The following COL11A1 variants were observed in gnomAD, a reference collection of about 807,000 sequenced individuals.
COL11A1 encodes collagen type XI alpha 1 chain.
In COL11A1, 74 loss-of-function variants were observed where a neutral mutation model predicts 265.2. That is an observed-to-expected ratio of 0.28 (90% confidence interval 0.23 to 0.34). The LOEUF (loss-of-function observed/expected upper bound fraction) is 0.34. Ranked by LOEUF, COL11A1 falls within the 10% of genes least tolerant of loss-of-function variation. The pLI is 1.00. For missense variants in COL11A1, 2,165 were observed against 2,263.6 expected (o/e 0.96, Z 0.88); for synonymous variants, 816 against 727.6 (o/e 1.12, Z -1.96).
intron 1 of COL11A1, among the ~76,000 whole-genome samples, chr1:103,088,815 C>G (rs139494908): frequency 6.6e-6 from 1 of 152,274 alleles, no homozygotes; most frequent in East Asian, 1.9e-4. Flanking sequence ...GGAAACCAGC[C>G]ATGCTTGCCC....
At chr1:102,967,718 GGT>G (rs1198542411) in intron 37 of COL11A1, among the ~76,000 whole-genome samples, 1 of 151,908 alleles carries the variant, frequency 6.6e-6, no homozygotes, top group Non-Finnish European at 1.5e-5. Flanking sequence ...CCTCTGTCTG[GGT>G]TATTCTTCCT....
rs556374945 is a variant in COL11A1, at chr1:103,015,892, A to G, written c.1414-150T>C. 23 of 556,090 alleles carry G rather than the reference A, an allele frequency of 4.1e-5. No individual in the cohort carries two copies. In the East Asian group the frequency reaches 4.7e-4, roughly 11 times the overall value. The allele number at this position is 556,090 out of a possible 1,614,324, so 34.4% of individuals were successfully genotyped here. A position where few individuals can be genotyped will look rare whatever the true frequency, so the allele number is the denominator to read the frequency against. ...CTGTTTTTAGTAAGTATACCTAGAC[A>G]GAATTCTATTCTGTTGCACTAGTTT... On this transcript the variant is annotated intron_variant, in intron 11 of 66. Coordinates refer to ENST00000370096, the MANE Select transcript of COL11A1 (RefSeq NM_001854.4).
intron 14 of COL11A1, among the ~76,000 whole-genome samples, chr1:103,010,724 G>A (rs1187377761): frequency 2.7e-5 from 4 of 148,658 alleles, no homozygotes; most frequent in Admixed American, 6.7e-5. Flanking sequence ...TTTTTGAGAC[G>A]GAGTCTAGCT....
intron 21 of COL11A1, 106 bp downstream of exon 21, chr1:103,003,109 A>G (rs1452776905): frequency 4.5e-6 from 5 of 1,113,580 alleles, no homozygotes; most frequent in African/African-American, 3.1e-5. Context: ...CTTCAAACAT[A>G]ACAAGGCAAT....
At chr1:103,059,706 A>G (rs187468389) in intron 4 of COL11A1, among the ~76,000 whole-genome samples, 76 of 152,296 alleles carry the variant, frequency 5.0e-4, no homozygotes, top group Non-Finnish European at 8.1e-4. Flanking sequence ...TGCTGTAGAT[A>G]AAAAACACCA....
chr1:102,964,097 G>C (rs1025499614), intron 38 of COL11A1, among the ~76,000 whole-genome samples: 1 of 151,690 alleles, frequency 6.6e-6, no homozygotes, highest in African/African-American at 2.4e-5. Flanking sequence ...TGTAAAGAGG[G>C]GAACGAAAAA....
At position 103,074,794 on chromosome 1, in the gene COL11A1, G is replaced by A. The variant is rs376366228; in HGVS notation, c.489-14C>T. On this transcript the variant is annotated splice_polypyrimidine_tract_variant and intron_variant, in intron 3 of 66. Transcript: ENST00000370096. ...ACCCGATGCCACCTAAAAAAGACAA[G>A]TAATTCTTTTGTAAGCTTCAAAGAA... 3.1e-6 allele frequency: 5 copies of A among 1,612,376 alleles called. No individual in the cohort carries two copies. The highest frequency in any genetic ancestry group is 3.4e-6 in the Non-Finnish European group (4 of 1,179,146).
chr1:103,036,354 T>C (rs7531787), intron 4 of COL11A1, among the ~76,000 whole-genome samples: 1,647 of 144,904 alleles, frequency 0.011, 34 homozygotes, highest in African/African-American at 0.039. Flanking sequence ...ATATATATGA[T>C]ACTTATGTAT....
intron 5 of COL11A1, among the ~76,000 whole-genome samples, chr1:103,028,231 A>T (rs896295142): frequency 4.6e-5 from 7 of 151,962 alleles, no homozygotes; most frequent in Non-Finnish European, 8.8e-5. Context: ...AGAGGGTTTC[A>T]CCAAGTTGGC....
chr1:102,934,345 C>T lies in COL11A1; in HGVS notation c.3600+104G>A, dbSNP rs1353568692. 1.8e-5 allele frequency: 14 copies of T among 766,652 alleles called. No individual in the cohort carries two copies. In the East Asian group the frequency reaches 3.6e-4, roughly 20 times the overall value. 47.5% of individuals were successfully genotyped at this position (766,652 alleles called of 1,614,324 possible). On this transcript the variant is annotated intron_variant, in intron 46 of 66. Transcript: ENST00000370096. Reference sequence around the variant, plus strand: ...TATGGATAAACATTGTACCCAAGTTCTTACGTAGAAAAAAAGAAAAAAATA... The same window carrying T: ...TATGGATAAACATTGTACCCAAGTTTTTACGTAGAAAAAAAGAAAAAAATA...
chr1:102,915,110 T>G (rs1655172142), intron 50 of COL11A1, among the ~76,000 whole-genome samples: 1 of 152,120 alleles, frequency 6.6e-6, no homozygotes, highest in Non-Finnish European at 1.5e-5. Flanking sequence ...TTTACCACGT[T>G]GGGCCAGACA....
chr1:102,957,720 G>T (rs980341340), intron 41 of COL11A1, among the ~76,000 whole-genome samples: 3 of 151,840 alleles, frequency 2.0e-5, no homozygotes, highest in Non-Finnish European at 4.4e-5. Flanking sequence ...GATTTAGAAG[G>T]GTCAAGATGA....
At chr1:103,027,444 T>TGC (rs1553239690) in intron 5 of COL11A1, among the ~76,000 whole-genome samples, 1 of 101,438 alleles carries the variant, frequency 9.9e-6, no homozygotes, top group African/African-American at 3.5e-5. Context: ...TATATATATA[T>TGC]GCATGCATGC....
intron 36 of COL11A1, among the ~76,000 whole-genome samples, chr1:102,973,899 A>G (rs1411080116): frequency 1.3e-5 from 2 of 152,242 alleles, no homozygotes; most frequent in Non-Finnish European, 2.9e-5. Flanking sequence ...TAATTCACCA[A>G]TATGACTTGT....
At chr1:103,073,760 T>C (rs1671757985) in intron 4 of COL11A1, among the ~76,000 whole-genome samples, 1 of 152,012 alleles carries the variant, frequency 6.6e-6, no homozygotes, top group Non-Finnish European at 1.5e-5. Context: ...CATTGTTCTG[T>C]TTATGAAAAT....
chr1:102,914,265 T>C, intron 52 of COL11A1, 87 bp downstream of exon 52: 1 of 1,032,110 alleles, frequency 9.7e-7, no homozygotes, highest in Non-Finnish European at 1.5e-6. Context: ...TTCACTTAGG[T>C]TATTAGATTT....
intron 64 of COL11A1, 69 bp downstream of exon 64, chr1:102,883,130 G>A (rs898111956): frequency 2.0e-6 from 2 of 989,170 alleles, no homozygotes; most frequent in African/African-American, 3.2e-5. Context: ...TAATTTTCCT[G>A]TTTAGTTCAA....
intron 1 of COL11A1, among the ~76,000 whole-genome samples, chr1:103,105,423 A>G (rs1487566711): frequency 1.3e-5 from 2 of 152,272 alleles, no homozygotes; most frequent in East Asian, 3.9e-4. Context: ...TTGATTTTTC[A>G]AAGTAAAATA....
chr1:102,936,207 T>C (rs1179302314), intron 44 of COL11A1, among the ~76,000 whole-genome samples: 1 of 151,656 alleles, frequency 6.6e-6, no homozygotes, highest in African/African-American at 2.4e-5. Context: ...ATAAAGTATG[T>C]TTGCCTCATA....
Sources: gnomAD v4.1 joint callset for allele counts (sites outside exome capture counted in the v4.1 genomes callset) on GRCh38, gnomAD v4.1.1 for gene constraint, MANE v1.5 for transcripts, NCBI Gene and HGNC (gene_info 2026-07-23, HGNC 2026-07-21) for gene names.